SMARCA2: variants seen among roughly 807,000 people sequenced by gnomAD.
The protein encoded by SMARCA2 is SWI/SNF related BAF chromatin remodeling complex subunit ATPase 2.
Under a neutral mutation model 199.8 loss-of-function variants are expected in SMARCA2, and 61 were observed. The observed-to-expected ratio is 0.31, with a 90% confidence interval of 0.25 to 0.38. The LOEUF (loss-of-function observed/expected upper bound fraction) is 0.38. Ranked by LOEUF, SMARCA2 falls within the 10% of genes least tolerant of loss-of-function variation. The pLI is 1.00. For synonymous variants in SMARCA2, 935 were observed against 732.0 expected (o/e 1.28, Z -4.48); for missense variants, 1,344 against 2,012.2 (o/e 0.67, Z 6.35).
intron 29 of SMARCA2, among the ~76,000 whole-genome samples, chr9:2,171,494 A>C (rs1230889433): frequency 6.6e-6 from 1 of 152,194 alleles, no homozygotes; most frequent in Non-Finnish European, 1.5e-5. Context: ...GTGGAGATGA[A>C]ACTGTCGGGC....
Position 2,088,628 on chromosome 9 carries a change from C to T in SMARCA2, c.2883+15C>T. 6.5e-7 allele frequency: 1 copy of T among 1,546,666 alleles called. No individual in the cohort carries two copies. Among genetic ancestry groups the T allele is most frequent in the South Asian group, 1.2e-5 (1 of 83,232 alleles). On this transcript the variant is annotated intron_variant, in intron 19 of 33. Transcript: ENST00000349721. ...TTCCCGAAAAAGTATGTTGCACAAC[C>T]AAAAGTTGTGGGTTTTTTTTTTCCT...
At chr9:2,182,790 C>A (rs932461495) in intron 31 of SMARCA2, among the ~76,000 whole-genome samples, 2 of 135,730 alleles carry the variant, frequency 1.5e-5, no homozygotes, top group Non-Finnish European at 3.1e-5. Context: ...CCACCACACC[C>A]GGCCTCAAAG....
In SMARCA2 at chr9:2,089,330, A is replaced by T. The variant is rs373585096; in HGVS notation, c.2883+717A>T. Among the ~76,000 whole-genome samples, 6 of 152,210 alleles carry T rather than the reference A, an allele frequency of 3.9e-5. No homozygotes were observed. In the East Asian group the frequency reaches 7.7e-4, roughly 20 times the overall value. On this transcript the variant is annotated intron_variant, in intron 19 of 33. Transcript: ENST00000349721. Reference sequence around the variant, plus strand: ...TGGAACCATGCATATTTGAATTCTAAGTTTCATTCTCTTAGAGACAGTTTA... The same window carrying T: ...TGGAACCATGCATATTTGAATTCTATGTTTCATTCTCTTAGAGACAGTTTA...
At chr9:2,040,087 G>C in intron 4 of SMARCA2, 187 bp downstream of exon 4, 4 of 1,179,098 alleles carry the variant, frequency 3.4e-6, no homozygotes, top group Non-Finnish European at 3.5e-6. Context: ...TTGAGACCTA[G>C]GGCAGTGTTT....
chr9:2,145,304 C>CA lies in SMARCA2; in HGVS notation c.3982-16357dup, dbSNP rs56314428. On this transcript the variant is annotated intron_variant, in intron 27 of 33. Transcript: ENST00000349721. ...GGTGACAGAGTGAAGACTCTTGTCTCAAAAAAAAAAAAAAAAAAAAAAAAA... is the reference window on the plus strand; with the variant it reads ...GGTGACAGAGTGAAGACTCTTGTCTCAAAAAAAAAAAAAAAAAAAAAAAAAA... Among the ~76,000 whole-genome samples, 556 of 132,126 alleles carry CA rather than the reference C, an allele frequency of 4.2e-3. 5 individuals carry two copies. Among genetic ancestry groups the CA allele is most frequent in the Middle Eastern group, 0.014 (3 of 218 alleles). 86.7% of individuals were successfully genotyped at this position (132,126 alleles called of 152,430 possible).
chr9:2,159,333 T>C, intron 27 of SMARCA2: 1 of 260,142 alleles, frequency 3.8e-6, no homozygotes, highest in South Asian at 9.6e-5. Flanking sequence ...TAACATATTA[T>C]GTTAAAATAT....
chr9:2,055,579 G>T (rs1201875996), intron 6 of SMARCA2: 2 of 152,224 alleles, frequency 1.3e-5, no homozygotes, highest in Admixed American at 1.3e-4. Context: ...GTTTGTTGGA[G>T]GATGTGACTA....
At chr9:2,027,417 G>C (rs541495611) in intron 1 of SMARCA2, among the ~76,000 whole-genome samples, 2 of 152,166 alleles carry the variant, frequency 1.3e-5, no homozygotes, top group Non-Finnish European at 2.9e-5. Flanking sequence ...TCCAGCCTGG[G>C]CAATAGAGAG....
At chr9:2,151,664 T>C (rs938138979) in intron 27 of SMARCA2, among the ~76,000 whole-genome samples, 15 of 152,094 alleles carry the variant, frequency 9.9e-5, no homozygotes, top group Non-Finnish European at 1.0e-4. Flanking sequence ...ACCCAGGAGG[T>C]GGAGGTTGCA....
At chr9:2,174,627 G>A (rs1013670390) in intron 29 of SMARCA2, among the ~76,000 whole-genome samples, 2 of 152,068 alleles carry the variant, frequency 1.3e-5, no homozygotes, top group Non-Finnish European at 2.9e-5. Context: ...ATTAAGAAAT[G>A]GGGAAGCAAA....
chr9:2,039,979 G>T lies in SMARCA2; in HGVS notation c.790+79G>T. 1 of 1,574,034 alleles carries T rather than the reference G, an allele frequency of 6.4e-7. No homozygotes were observed. The highest frequency in any genetic ancestry group is 8.6e-7 in the Non-Finnish European group (1 of 1,162,154). On this transcript the variant is annotated intron_variant, in intron 4 of 33. Coordinates refer to ENST00000349721, the MANE Select transcript of SMARCA2 (RefSeq NM_003070.5). This position sits in a 1 kb window ranked among gnomAD's most constrained non-coding sequence, Gnocchi z 4.8. ...AGACTGCTCACCAAAACACCGGGTT[G>T]TTAAAAGCCCGGGGCTGACGTAGCC...
At chr9:2,150,743 G>C (rs1221421446) in intron 27 of SMARCA2, among the ~76,000 whole-genome samples, 6 of 151,524 alleles carry the variant, frequency 4.0e-5, no homozygotes, top group African/African-American at 1.5e-4. Context: ...TTAAACAACA[G>C]AGATTTATTA....
At chr9:2,094,881 G>A (rs1263175631) in intron 19 of SMARCA2, among the ~76,000 whole-genome samples, 1 of 151,950 alleles carries the variant, frequency 6.6e-6, no homozygotes, top group East Asian at 1.9e-4. Flanking sequence ...GTTGTTCAGC[G>A]TTTTTCTTTA....
intron 27 of SMARCA2, among the ~76,000 whole-genome samples, chr9:2,136,295 C>A (rs1586741728): frequency 6.7e-6 from 1 of 149,314 alleles, no homozygotes; most frequent in Admixed American, 6.7e-5. Context: ...TCAAACAGTT[C>A]TTGTGCCTCA....
rs1240208056 is a variant in SMARCA2, at chr9:2,039,531, G to A, written c.421G>A (p.Gly141Arg). Residue 141 changes from glycine (G) to arginine (R), a missense_variant, in exon 4 of 34, where the codon GGA becomes AGA. Coordinates refer to ENST00000349721, the MANE Select transcript of SMARCA2 (RefSeq NM_003070.5). This position sits in a 1 kb window ranked among gnomAD's most constrained non-coding sequence, Gnocchi z 4.8. ...GCACGTCTCCAGCCCTATGTCTGGA[G>A]GAGGCCCAACTCCACCTCAGATGCC... ...PEHVSSPMSG[G>R]GPTPPQMPPS... 9.3e-6 allele frequency: 15 copies of A among 1,614,156 alleles called. No individual in the cohort carries two copies. The highest frequency in any genetic ancestry group is 1.7e-5 in the Admixed American group (1 of 60,026).
Position 2,161,807 on chromosome 9 carries a change from G to C in SMARCA2, c.4103G>C (p.Arg1368Thr). ...KEDVEKAKKR[R>T]GRPPAEKLSP... ...GATGTGGAAAAAGCTAAGAAGAGAA[G>C]AGGCCGCCCTCCCGCTGAGAAACTG... is the stretch of plus-strand genomic sequence containing the variant. Residue 1368 changes from arginine to threonine, a missense_variant, in exon 28 of 34, where the codon AGA becomes ACA. By Grantham distance (71) the Arg-to-Thr change is moderately conservative (BLOSUM62 -1). Around this residue, in one of 18 missense-constraint regions of SMARCA2, gnomAD observed 151 missense variants for 154.0 expected, o/e 0.98. Transcript: ENST00000349721. The surrounding 1 kb of genome is among the most constrained non-coding windows in gnomAD (Gnocchi z 4.7). 6.2e-7 allele frequency: 1 copy of C among 1,614,070 alleles called. No individual in the cohort carries two copies.
intron 27 of SMARCA2, among the ~76,000 whole-genome samples, chr9:2,128,152 A>T (rs1387841357): frequency 2.6e-5 from 4 of 152,090 alleles, no homozygotes. Context: ...CCAAGATGGC[A>T]TCTGGATAAA....
At chr9:2,187,491 G>GCAAGACCCTATCTCTACA (rs1827552685) in intron 32 of SMARCA2, among the ~76,000 whole-genome samples, 1 of 152,038 alleles carries the variant, frequency 6.6e-6, no homozygotes, top group Non-Finnish European at 1.5e-5. Context: ...GGATAACATA[G>GCAAGACCCTATCTCTACA]CAAGACCCTA....
chr9:2,072,851 G>T (rs1332385852), intron 10 of SMARCA2, among the ~76,000 whole-genome samples: 2 of 152,236 alleles, frequency 1.3e-5, no homozygotes, highest in Non-Finnish European at 2.9e-5. Flanking sequence ...GCAGGCAGAA[G>T]TTTGACAGAG....
Sources: allele counts gnomAD v4.1 joint callset (sites outside exome capture counted in the v4.1 genomes callset), GRCh38; gene constraint gnomAD v4.1.1; regional missense constraint gnomAD v4.1.1; non-coding constraint Gnocchi (gnomAD v3.1); transcripts MANE v1.5; gene names NCBI Gene and HGNC (gene_info 2026-07-23, HGNC 2026-07-21).